PLEKHG4B: variants seen among roughly 807,000 people sequenced by gnomAD.
The protein encoded by PLEKHG4B is pleckstrin homology domain-containing family G member 4B.
PLEKHG4B carries 111 observed loss-of-function variants against 121.3 expected under a neutral mutation model. The observed-to-expected ratio is 0.92, with a 90% CI of 0.78 to 1.07. The LOEUF (loss-of-function observed/expected upper bound fraction) is 1.07. Ranked by LOEUF, PLEKHG4B falls within the 50% of genes least tolerant of loss-of-function variation. The pLI is 0.00. For synonymous variants in PLEKHG4B, 738 were observed against 725.0 expected (o/e 1.02, Z -0.29); for missense variants, 1,831 against 1,757.8 (o/e 1.04, Z -0.74).
Position 157,010 on chromosome 5 carries a change from G to C in PLEKHG4B, c.2487+99G>C. The stretch of plus-strand genomic sequence containing the variant: ...CTTCACACTGTGTCTTTAGGGCCTT[G>C]ATCTGATTTCCATTTGGAATGAAAT... On this transcript the variant is annotated intron_variant, in intron 11 of 19. Coordinates refer to ENST00000637938, the MANE Select transcript of PLEKHG4B (RefSeq NM_052909.5). This position sits in a 1 kb window ranked among gnomAD's most constrained non-coding sequence, Gnocchi z 4.6. The C allele has an allele frequency of 6.9e-7, 1 of 1,450,494 alleles. No individual in the cohort carries two copies. The highest frequency in any genetic ancestry group is 9.5e-7 in the Non-Finnish European group (1 of 1,053,114). 89.9% of individuals were successfully genotyped at this position (1,450,494 alleles called of 1,614,324 possible). A position where few individuals can be genotyped will look rare whatever the true frequency, so the allele number is the denominator to read the frequency against.
At position 182,373 on chromosome 5, in the gene PLEKHG4B, G is replaced by GAGCA; in HGVS notation, c.*51_*54dup. The GAGCA allele has an allele frequency of 6.6e-7, 1 of 1,515,442 alleles. No individual in the cohort carries two copies. Among genetic ancestry groups the GAGCA allele is most frequent in the Non-Finnish European group, 8.9e-7 (1 of 1,129,792 alleles). 93.9% of individuals were successfully genotyped at this position (1,515,442 alleles called of 1,614,324 possible). A position where few individuals can be genotyped will look rare whatever the true frequency, so the allele number is the denominator to read the frequency against. On this transcript the variant is annotated 3_prime_UTR_variant, in exon 20 of 20. Coordinates refer to ENST00000637938, the MANE Select transcript of PLEKHG4B (RefSeq NM_052909.5). Reference sequence around the variant, plus strand: ...TCATGTGGCTAGAACAATACAGAGGGAGCAGCACGCCAGGCCTGATGACTC... The same window carrying GAGCA: ...TCATGTGGCTAGAACAATACAGAGGGAGCAAGCAGCACGCCAGGCCTGATGACTC...
At chr5:135,665 C>CAAAAAAAAAAAAAAAA (rs139636561) in intron 2 of PLEKHG4B, among the ~76,000 whole-genome samples, 1 of 18,122 alleles carries the variant, frequency 5.5e-5, no homozygotes, top group African/African-American at 2.8e-4. Context: ...GACTCCATCT[C>CAAAAAAAAAAAAAAAA]AAAAAAAAAA....
chr5:171,482 G>C (rs762063396), intron 16 of PLEKHG4B, 38 bp downstream of exon 16: 30 of 1,514,398 alleles, frequency 2.0e-5, no homozygotes, highest in Middle Eastern at 1.9e-4. Context: ...GGCAAGCTGG[G>C]GGAATTTGAG....
intron 2 of PLEKHG4B, among the ~76,000 whole-genome samples, chr5:132,509 A>G (rs764500520): frequency 3.9e-5 from 6 of 152,114 alleles, no homozygotes; most frequent in Non-Finnish European, 7.4e-5. Context: ...TATCTTTTAG[A>G]ATGTTTATGG....
At chr5:173,171 G>A in intron 17 of PLEKHG4B, 104 bp downstream of exon 17, 1 of 1,155,318 alleles carries the variant, frequency 8.7e-7, no homozygotes, top group Non-Finnish European at 1.3e-6. Flanking sequence ...GGGAGGGAGT[G>A]AAGCGGGGAG....
chr5:156,942 C>T lies in PLEKHG4B; in HGVS notation c.2487+31C>T. On this transcript the variant is annotated intron_variant, in intron 11 of 19. Coordinates refer to ENST00000637938, the MANE Select transcript of PLEKHG4B (RefSeq NM_052909.5). This position sits in a 1 kb window ranked among gnomAD's most constrained non-coding sequence, Gnocchi z 4.4. ...AGCTGCAGGAGGAAGGCGGCCCGGTCAGCATCCCCTCCAGGCCAGGCTGGC... is the reference window on the plus strand; with the variant it reads ...AGCTGCAGGAGGAAGGCGGCCCGGTTAGCATCCCCTCCAGGCCAGGCTGGC... 6.2e-7 allele frequency: 1 copy of T among 1,607,840 alleles called. No individual in the cohort carries two copies. Among genetic ancestry groups the T allele is most frequent in the South Asian group, 1.1e-5 (1 of 89,526 alleles).
intron 1 of PLEKHG4B, among the ~76,000 whole-genome samples, chr5:97,875 G>C (rs1733675881): frequency 6.6e-6 from 1 of 152,124 alleles, no homozygotes; most frequent in South Asian, 2.1e-4. Context: ...TCGCTCCATA[G>C]CAGCTGCACC....
In PLEKHG4B at chr5:135,187, C is replaced by CAA. The variant is rs35601775; in HGVS notation, c.244-4275_244-4274dup. Among the ~76,000 whole-genome samples the CAA allele has an allele frequency of 7.2e-3, 351 of 48,494 alleles. 18 individuals carry two copies. The highest frequency in any genetic ancestry group is 0.017 in the African/African-American group (273 of 15,790). 31.8% of individuals were successfully genotyped at this position (48,494 alleles called of 152,430 possible). ...TGGGTGACAGAACGAGACTCCAGCT[C>CAA]AAAAAAAAAAAAAAAAAAAAAAGTT... On this transcript the variant is annotated intron_variant, in intron 2 of 19. Transcript: ENST00000637938.
chr5:160,526 T>G (rs1735963492), intron 11 of PLEKHG4B, among the ~76,000 whole-genome samples: 3 of 152,168 alleles, frequency 2.0e-5, no homozygotes, highest in African/African-American at 7.2e-5. Context: ...TTCACACGTT[T>G]ATTATTTTTA....
intron 2 of PLEKHG4B, among the ~76,000 whole-genome samples, chr5:133,155 A>G (rs1734826862): frequency 2.0e-5 from 3 of 152,106 alleles, no homozygotes; most frequent in Admixed American, 2.0e-4. Flanking sequence ...TGCAGCTATT[A>G]TAAAAGGGGT....
At chr5:120,485 A>G (rs1004913608) in intron 2 of PLEKHG4B, among the ~76,000 whole-genome samples, 4 of 152,222 alleles carry the variant, frequency 2.6e-5, no homozygotes, top group African/African-American at 4.8e-5. Context: ...ACTCCACCCA[A>G]TTAAAATCTG....
chr5:155,509 C>A (rs751249320), intron 9 of PLEKHG4B, 66 bp downstream of exon 9: 2 of 1,254,226 alleles, frequency 1.6e-6, no homozygotes, highest in African/African-American at 1.5e-5. Context: ...TAAAGGTTAG[C>A]CAAACTTGAA....
At position 156,107 on chromosome 5, in the gene PLEKHG4B, A is replaced by G; in HGVS notation, c.2245A>G (p.Met749Val). 2 of 1,599,860 alleles carry G rather than the reference A, an allele frequency of 1.3e-6. No individual in the cohort carries two copies. Among genetic ancestry groups the G allele is most frequent in the Non-Finnish European group, 8.5e-7 (1 of 1,172,864 alleles). Residue 749 changes from methionine to valine, a missense_variant, in exon 10 of 20, where the codon ATG becomes GTG. Met to Val is a conservative substitution (Grantham distance 21). Transcript: ENST00000637938. This position sits in a 1 kb window ranked among gnomAD's most constrained non-coding sequence, Gnocchi z 4.4. The stretch of plus-strand genomic sequence containing the variant: ...GTTAATTGACCAGCATGAGACGATG[A>G]TGAAGCTTGTCCTGGAAGACCCACT... Reference protein sequence around the residue: ...AELIDQHETMMKLVLEDPLLV... With the variant: ...AELIDQHETMVKLVLEDPLLV...
At position 120,196 on chromosome 5, in the gene PLEKHG4B, T is replaced by C. The variant is rs76832079; in HGVS notation, c.243+6748T>C. ...TGAGCCTGGGAGATGGAAGCTGCAG[T>C]GAGCTCTGATAGTACCACTGCACTT... On this transcript the variant is annotated intron_variant, in intron 2 of 19. Transcript: ENST00000637938. Among the ~76,000 whole-genome samples, 301 of 152,282 alleles carry C rather than the reference T, an allele frequency of 2.0e-3. 1 individual carries two copies. Among genetic ancestry groups the C allele is most frequent in the South Asian group, 9.7e-3 (47 of 4,824 alleles).
rs1331280141 is a variant in PLEKHG4B, at chr5:140,171, G to T, written c.932G>T (p.Arg311Met). The T allele has an allele frequency of 2.2e-6, 2 of 906,882 alleles. No individual in the cohort carries two copies. Among genetic ancestry groups the T allele is most frequent in the Admixed American group, 3.3e-5 (1 of 30,532 alleles). The allele number at this position is 906,882 out of a possible 1,614,324, so 56.2% of individuals were successfully genotyped here. A position where few individuals can be genotyped will look rare whatever the true frequency, so the allele number is the denominator to read the frequency against. ...GAGAACTGTGGGGGGTCGGGGGAGA[G>T]GCCGGACCCCATGGACCAGGAGGAC... ...PPENCGGSGE[R>M]PDPMDQEDRP... The change falls in exon 3 of 20, where the codon AGG becomes ATG. Residue 311 changes from arginine (R) to methionine (M), a missense_variant. By Grantham distance (91) the Arg-to-Met change is moderately conservative. Transcript: ENST00000637938.
chr5:181,596 CTG>C lies in PLEKHG4B; in HGVS notation c.4488_4489del (p.Ala1497SerfsTer38). On this transcript the variant is annotated frameshift_variant, in exon 19 of 20. Transcript: ENST00000637938. LOFTEE classifies it high-confidence loss of function. The part of the protein sequence containing the change: ...DVKPRDRTPD[C>X]AVISDRAPKC... ...TCAAGCCCAGAGACCGGACCCCTGA[CTG>C]TGCAGTGATAAGCGACCGGGCTCCC... The C allele has an allele frequency of 8.1e-6, 13 of 1,613,866 alleles. No individual in the cohort carries two copies. Among genetic ancestry groups the C allele is most frequent in the South Asian group, 2.2e-5 (2 of 91,080 alleles).
chr5:118,532 A>G (rs1734372063), intron 2 of PLEKHG4B, among the ~76,000 whole-genome samples: 1 of 152,192 alleles, frequency 6.6e-6, no homozygotes, highest in South Asian at 2.1e-4. Context: ...TGCTCTCAAG[A>G]TTACAATATG....
At chr5:130,056 A>G (rs1204823529) in intron 2 of PLEKHG4B, among the ~76,000 whole-genome samples, 1 of 150,246 alleles carries the variant, frequency 6.7e-6, no homozygotes, top group Non-Finnish European at 1.5e-5. Context: ...GTCAGAGTGA[A>G]TATGAAGAGA....
At position 140,333 on chromosome 5, in the gene PLEKHG4B, C is replaced by G; in HGVS notation, c.1094C>G (p.Pro365Arg). ...ATGGAAGCCTTGCGGAACCCCATGC[C>G]CCTGGGCAGCTCTGAGGAGGCCCTC... ...SYMEALRNPMPLGSSEEALGD... is the reference protein window; with the variant it reads ...SYMEALRNPMRLGSSEEALGD... Residue 365 changes from proline to arginine, a missense_variant, in exon 3 of 20, where the codon CCC becomes CGC. Physicochemically the swap from Pro to Arg is moderately radical, Grantham distance 103 (BLOSUM62 -2). Transcript: ENST00000637938. The G allele has an allele frequency of 6.5e-7, 1 of 1,540,808 alleles. No individual in the cohort carries two copies. Among genetic ancestry groups the G allele is most frequent in the Non-Finnish European group, 8.7e-7 (1 of 1,144,246 alleles).
Sources: allele counts gnomAD v4.1 joint callset (sites outside exome capture counted in the v4.1 genomes callset), GRCh38; gene constraint gnomAD v4.1.1; non-coding constraint Gnocchi (gnomAD v3.1); transcripts MANE v1.5; gene names NCBI Gene and HGNC (gene_info 2026-07-23, HGNC 2026-07-21).